Variants in FOXP2 observed in about 807,000 individuals in gnomAD.
FOXP2 encodes the protein forkhead box P2.
A neutral mutation model predicts 115.8 loss-of-function variants in FOXP2; 12 were observed. The observed-to-expected ratio is 0.10, with a 90% CI of 0.07 to 0.17. FOXP2 has a LOEUF of 0.17. Ranked by LOEUF, FOXP2 falls within the 10% of genes least tolerant of loss-of-function variation. FOXP2 has a pLI of 1.00. For missense variants in FOXP2, 629 were observed against 843.5 expected (o/e 0.75, Z 3.15); for synonymous variants, 328 against 297.7 (o/e 1.10, Z -1.05).
chr7:114,497,476 C>T (rs1797371679), intron 2 of FOXP2, among the ~76,000 whole-genome samples: 1 of 151,920 alleles, frequency 6.6e-6, no homozygotes, highest in Non-Finnish European at 1.5e-5. Context: ...GGCAAAAACC[C>T]ATTTCTACTA....
At chr7:114,132,804 T>C (rs967686598) in intron 1 of FOXP2, among the ~76,000 whole-genome samples, 2 of 152,088 alleles carry the variant, frequency 1.3e-5, no homozygotes, top group African/African-American at 4.8e-5. Context: ...ACAGCTGGTA[T>C]AGAATAAGCA....
At chr7:114,682,631 T>G (rs1808148415) in intron 16 of FOXP2, among the ~76,000 whole-genome samples, 1 of 152,076 alleles carries the variant, frequency 6.6e-6, no homozygotes, top group Non-Finnish European at 1.5e-5. Context: ...GGAAATAAAT[T>G]TAATGGCTCT....
intron 3 of FOXP2, among the ~76,000 whole-genome samples, chr7:114,562,285 T>G (rs1800793893): frequency 6.6e-6 from 1 of 152,198 alleles, no homozygotes; most frequent in Admixed American, 6.5e-5. Flanking sequence ...TCTCTGACTT[T>G]AGGCTAGTGT....
chr7:114,222,738 G>A (rs1794654943), intron 1 of FOXP2, among the ~76,000 whole-genome samples: 1 of 152,166 alleles, frequency 6.6e-6, no homozygotes, highest in Admixed American at 6.5e-5. Context: ...CAAGGATGGG[G>A]TAGCTTTTAA....
chr7:114,212,025 A>T (rs1044913527), intron 1 of FOXP2, among the ~76,000 whole-genome samples: 3 of 151,756 alleles, frequency 2.0e-5, no homozygotes, highest in African/African-American at 7.3e-5. Context: ...GTGAGCTGAG[A>T]TCGTGTCATC....
intron 2 of FOXP2, among the ~76,000 whole-genome samples, chr7:114,529,104 G>A (rs1799015496): frequency 6.6e-6 from 1 of 151,800 alleles, no homozygotes; most frequent in Non-Finnish European, 1.5e-5. Context: ...GAAGAACATA[G>A]AGCTAGGAAT....
At chr7:114,267,774 AATAAATAAAAT>A (rs1795930383) in intron 1 of FOXP2, among the ~76,000 whole-genome samples, 2 of 146,076 alleles carry the variant, frequency 1.4e-5, no homozygotes, top group African/African-American at 5.2e-5. Context: ...TAAATAAATA[AATAAATAAAAT>A]AAATATATAT....
At chr7:114,647,388 G>A (rs761572214) in intron 8 of FOXP2, among the ~76,000 whole-genome samples, 34 of 150,418 alleles carry the variant, frequency 2.3e-4, no homozygotes, top group East Asian at 3.9e-4. Flanking sequence ...TTTATGTATC[G>A]TATATATTTA....
intron 1 of FOXP2, among the ~76,000 whole-genome samples, chr7:114,157,438 G>A (rs2129149813): frequency 6.6e-6 from 1 of 152,172 alleles, no homozygotes; most frequent in Admixed American, 6.6e-5. Context: ...ATAGAGACAT[G>A]CTAAGTGGAG....
At chr7:114,540,860 T>C (rs1171580391) in intron 3 of FOXP2, among the ~76,000 whole-genome samples, 2 of 152,096 alleles carry the variant, frequency 1.3e-5, no homozygotes, top group Non-Finnish European at 2.9e-5. Flanking sequence ...ACTAATGTAA[T>C]AATGAATGGG....
intron 2 of FOXP2, among the ~76,000 whole-genome samples, chr7:114,372,150 T>G (rs1792023857): frequency 6.6e-6 from 1 of 152,170 alleles, no homozygotes; most frequent in African/African-American, 2.4e-5. Flanking sequence ...TAGTAAACAG[T>G]AGATAAAGGA....
chr7:114,513,608 G>A (rs1269955348), intron 2 of FOXP2, among the ~76,000 whole-genome samples: 1 of 152,008 alleles, frequency 6.6e-6, no homozygotes, highest in Admixed American at 6.6e-5. Flanking sequence ...GAACTGAAAT[G>A]AAAATTTAGC....
intron 3 of FOXP2, among the ~76,000 whole-genome samples, chr7:114,622,081 T>C (rs1266033737): frequency 6.6e-6 from 1 of 151,992 alleles, no homozygotes; most frequent in Admixed American, 6.6e-5. Context: ...GATCTGCTGT[T>C]AGTAATTTTA....
Position 114,117,644 on chromosome 7 carries a change from T to C in FOXP2, c.-247+29806T>C, listed in dbSNP as rs183279153. 2.6e-5 allele frequency among the ~76,000 whole-genome samples: 4 copies of C among 152,284 alleles called. No homozygotes were observed. In the East Asian group the frequency reaches 7.7e-4, roughly 29 times the overall value. ...TAGAGTTGGGAAATTAAAGCCTTGA[T>C]AAATTAAGGTATTTTAAGCAATGTT... is the stretch of plus-strand genomic sequence containing the variant. On this transcript the variant is annotated intron_variant, in intron 1 of 19. Transcript: ENST00000635638.
intron 3 of FOXP2, among the ~76,000 whole-genome samples, chr7:114,536,039 A>G (rs1799376574): frequency 6.6e-6 from 1 of 151,536 alleles, no homozygotes; most frequent in Non-Finnish European, 1.5e-5. Context: ...ATCTGATTGC[A>G]TGAGAGTCTC....
intron 6 of FOXP2, among the ~76,000 whole-genome samples, chr7:114,633,708 A>C (rs1421901239): frequency 2.0e-5 from 3 of 152,202 alleles, no homozygotes; most frequent in Non-Finnish European, 4.4e-5. Flanking sequence ...TGTGTGTTGA[A>C]TACACCAGCT....
intron 3 of FOXP2, among the ~76,000 whole-genome samples, chr7:114,561,954 T>G (rs907793625): frequency 6.6e-6 from 1 of 152,124 alleles, no homozygotes; most frequent in Non-Finnish European, 1.5e-5. Context: ...CATGTCTAAC[T>G]TGGACCGGTT....
chr7:114,580,870 C>A (rs1208789640), intron 3 of FOXP2, among the ~76,000 whole-genome samples: 4 of 151,926 alleles, frequency 2.6e-5, no homozygotes, highest in Non-Finnish European at 5.9e-5. Context: ...GGAGATGATG[C>A]ATTTTTGGAA....
chr7:114,492,527 C>T (rs1797114352), intron 2 of FOXP2, among the ~76,000 whole-genome samples: 1 of 151,954 alleles, frequency 6.6e-6, no homozygotes, highest in Non-Finnish European at 1.5e-5. Context: ...TATATCTTTC[C>T]TGCTTTCTCT....
Sources: gnomAD v4.1 joint callset for allele counts (sites outside exome capture counted in the v4.1 genomes callset) on GRCh38, gnomAD v4.1.1 for gene constraint, MANE v1.5 for transcripts, NCBI Gene and HGNC (gene_info 2026-07-23, HGNC 2026-07-21) for gene names.